The following FOXK1 variants were observed in gnomAD, a reference collection of about 807,000 sequenced individuals.
FOXK1 encodes forkhead box K1.
In FOXK1, 19 loss-of-function variants were observed where a neutral mutation model predicts 51.9. The ratio of observed to expected loss-of-function variants is 0.37; its 90% CI spans 0.26 to 0.54. FOXK1 has a LOEUF of 0.54. Among genes scored for constraint, FOXK1 ranks in the 20% least tolerant of loss-of-function variants. The pLI is 0.87. For synonymous variants in FOXK1, 537 were observed against 482.6 expected (o/e 1.11, Z -1.48); for missense variants, 870 against 1,032.7 (o/e 0.84, Z 2.16).
intron 1 of FOXK1, among the ~76,000 whole-genome samples, chr7:4,698,727 G>T (rs898876542): frequency 1.3e-5 from 2 of 152,042 alleles, no homozygotes; most frequent in Non-Finnish European, 2.9e-5. Flanking sequence ...TAATTTTTTT[G>T]TGTGTTTCTA....
intron 7 of FOXK1, among the ~76,000 whole-genome samples, chr7:4,760,549 G>T (rs1374340834): frequency 6.6e-6 from 1 of 152,166 alleles, no homozygotes; most frequent in Non-Finnish European, 1.5e-5. Flanking sequence ...TAAAGCTAAG[G>T]TATTTAAAAT....
At chr7:4,759,001 G>A in intron 5 of FOXK1, 50 bp from the exon 6 acceptor site, 1 of 1,521,182 alleles carries the variant, frequency 6.6e-7, no homozygotes, top group Non-Finnish European at 8.8e-7. Context: ...AAACGTCCTC[G>A]CATCCCTCAG....
Position 4,690,424 on chromosome 7 carries a change from T to G in FOXK1, c.560+7556T>G, listed in dbSNP as rs569006097. 9.2e-5 allele frequency among the ~76,000 whole-genome samples: 14 copies of G among 152,386 alleles called. No homozygotes were observed. The South Asian group carries it at 2.9e-3, about 32-fold the overall frequency. Reference sequence around the variant, plus strand: ...GTGTATCACATATATTTGTTCCAAGTTAGACTGTCAACTGGTTAAAGTTAC... The same window carrying G: ...GTGTATCACATATATTTGTTCCAAGGTAGACTGTCAACTGGTTAAAGTTAC... On this transcript the variant is annotated intron_variant, in intron 1 of 8. Transcript: ENST00000328914.
Position 4,751,624 on chromosome 7 carries a change from C to T in FOXK1, c.747-2835C>T, listed in dbSNP as rs139997014. Among the ~76,000 whole-genome samples, 1,474 of 152,316 alleles carry T rather than the reference C, an allele frequency of 9.7e-3. 11 individuals carry two copies. Among genetic ancestry groups the T allele is most frequent in the Non-Finnish European group, 0.017 (1,129 of 68,028 alleles). ...AGGAGCCTGGTACCAGGCACAGCCC[C>T]GTGGCCGAGGCCCGCCTGCGGAGGA... On this transcript the variant is annotated intron_variant, in intron 2 of 8. Transcript: ENST00000328914.
At chr7:4,717,815 C>T (rs534428838) in intron 1 of FOXK1, among the ~76,000 whole-genome samples, 1 of 152,326 alleles carries the variant, frequency 6.6e-6, no homozygotes, top group African/African-American at 2.4e-5. Flanking sequence ...TACAAACACA[C>T]TAGTCCATGC....
At chr7:4,757,491 A>T (rs1354525199) in intron 5 of FOXK1, among the ~76,000 whole-genome samples, 1 of 151,694 alleles carries the variant, frequency 6.6e-6, no homozygotes. Context: ...TTAGTCGGGC[A>T]TGGTGGCAGG....
chr7:4,740,409 G>A (rs563123822), intron 1 of FOXK1, among the ~76,000 whole-genome samples: 10 of 144,880 alleles, frequency 6.9e-5, no homozygotes, highest in Non-Finnish European at 1.2e-4. Flanking sequence ...CAGCCTGGGC[G>A]ACAGAGTGAG....
Position 4,768,225 on chromosome 7 carries a change from C to T in FOXK1, c.*5761C>T, listed in dbSNP as rs1056444417. On this transcript the variant is annotated 3_prime_UTR_variant, in exon 9 of 9. Transcript: ENST00000328914. The stretch of plus-strand genomic sequence containing the variant: ...TCGGCTCACTGCAAGCTCCGCCTCC[C>T]GGGTTCACGCCATTCTCCTGCCTCA... The T allele has an allele frequency of 5.1e-5, 7 of 136,868 alleles. No homozygotes were observed. Among genetic ancestry groups the T allele is most frequent in the Admixed American group, 4.1e-4 (6 of 14,482 alleles). 8.5% of individuals were successfully genotyped at this position (136,868 alleles called of 1,614,324 possible).
rs1350665202 is a variant in FOXK1 at position 4,761,374 on chromosome 7, A to G, written c.1921+86A>G. 7.8e-7 allele frequency: 1 copy of G among 1,284,168 alleles called. No individual in the cohort carries two copies. Among genetic ancestry groups the G allele is most frequent in the Non-Finnish European group, 1.1e-6 (1 of 921,524 alleles). The allele number at this position is 1,284,168 out of a possible 1,614,324, so 79.5% of individuals were successfully genotyped here. On this transcript the variant is annotated intron_variant, in intron 8 of 8. Transcript: ENST00000328914. The surrounding 1 kb of genome is among the most constrained non-coding windows in gnomAD (Gnocchi z 6.2). ...TGCGGCATGAGAATGTTCTCCCAGT[A>G]TCTCCCGATCCTCCACTCAGTTCAA...
At chr7:4,754,802 C>A in intron 3 of FOXK1, 187 bp downstream of exon 3, 1 of 742,004 alleles carries the variant, frequency 1.3e-6, no homozygotes, top group Non-Finnish European at 2.1e-6. Flanking sequence ...CCCAAATCAT[C>A]CCCGTTGGTC....
chr7:4,726,238 T>C (rs1780379905), intron 1 of FOXK1, among the ~76,000 whole-genome samples: 1 of 152,184 alleles, frequency 6.6e-6, no homozygotes, highest in South Asian at 2.1e-4. Flanking sequence ...GGCCTACGAA[T>C]GCTTTTACTT....
rs1780388265 is a variant in FOXK1, at chr7:4,726,925, A to G, written c.561-13913A>G. Among the ~76,000 whole-genome samples, 3 of 152,190 alleles carry G rather than the reference A, an allele frequency of 2.0e-5. No homozygotes were observed. In the South Asian group the frequency reaches 6.2e-4, roughly 31 times the overall value. On this transcript the variant is annotated intron_variant, in intron 1 of 8. Coordinates refer to ENST00000328914, the MANE Select transcript of FOXK1 (RefSeq NM_001037165.2). ...CCTGGTATATATAATAATAGCAGAT[A>G]TTAGTTGTCAACTACTAATTTTAAT...
rs1160714007 is a variant in FOXK1 at position 4,707,514 on chromosome 7, C to T, written c.560+24646C>T. Among the ~76,000 whole-genome samples the T allele has an allele frequency of 1.3e-5, 2 of 152,128 alleles. No individual in the cohort carries two copies. The highest frequency in any genetic ancestry group is 2.9e-5 in the Non-Finnish European group (2 of 68,034). ...CTTGGTAGTGTTAAGATGTATTTAGCGACTCAAGTATCTGCAGCAGCGAGA... is the reference window on the plus strand; with the variant it reads ...CTTGGTAGTGTTAAGATGTATTTAGTGACTCAAGTATCTGCAGCAGCGAGA... On this transcript the variant is annotated intron_variant, in intron 1 of 8. Transcript: ENST00000328914. This position sits in a 1 kb window ranked among gnomAD's most constrained non-coding sequence, Gnocchi z 4.1.
intron 1 of FOXK1, among the ~76,000 whole-genome samples, chr7:4,740,216 G>C (rs796213521): frequency 1.1e-4 from 16 of 152,246 alleles, no homozygotes; most frequent in African/African-American, 3.9e-4. Flanking sequence ...GGATTACGAG[G>C]TCAGGAGATC....
Position 4,711,302 on chromosome 7 carries a change from T to C in FOXK1, c.560+28434T>C, listed in dbSNP as rs1780171031. Among the ~76,000 whole-genome samples, 1 of 152,136 alleles carries C rather than the reference T, an allele frequency of 6.6e-6. No homozygotes were observed. Among genetic ancestry groups the C allele is most frequent in the African/African-American group, 2.4e-5 (1 of 41,426 alleles). On this transcript the variant is annotated intron_variant, in intron 1 of 8. Coordinates refer to ENST00000328914, the MANE Select transcript of FOXK1 (RefSeq NM_001037165.2). The surrounding 1 kb of genome is among the most constrained non-coding windows in gnomAD (Gnocchi z 6.3). ...TGTCCTGGGAAGCGTCCATGGGATG[T>C]ATCAGTCAGGGAGGCTGGGCGCAGT...
chr7:4,737,493 C>G (rs544110606), intron 1 of FOXK1, among the ~76,000 whole-genome samples: 1 of 149,634 alleles, frequency 6.7e-6, no homozygotes, highest in Non-Finnish European at 1.5e-5. Flanking sequence ...TGGGCGTGTG[C>G]GTGGGTGTGT....
At chr7:4,746,560 T>C (rs1054711753) in intron 2 of FOXK1, among the ~76,000 whole-genome samples, 2 of 151,808 alleles carry the variant, frequency 1.3e-5, no homozygotes, top group African/African-American at 4.8e-5. Flanking sequence ...CAGTGGCTCA[T>C]GTCTTTAGAC....
intron 1 of FOXK1, among the ~76,000 whole-genome samples, chr7:4,716,944 GTGGGAGGCGCATGGC>G (rs1006190718): frequency 6.6e-5 from 10 of 152,186 alleles, no homozygotes; most frequent in Admixed American, 3.3e-4. Flanking sequence ...GTTGTACGTG[GTGGGAGGCGCATGGC>G]TGGGAGGCGT....
At chr7:4,725,495 C>A (rs1413526292) in intron 1 of FOXK1, among the ~76,000 whole-genome samples, 1 of 152,248 alleles carries the variant, frequency 6.6e-6, no homozygotes, top group Non-Finnish European at 1.5e-5. Flanking sequence ...AGGCCCGGGG[C>A]CAGATGTCCG....
Sources: gnomAD v4.1 joint callset for allele counts (sites outside exome capture counted in the v4.1 genomes callset) on GRCh38, gnomAD v4.1.1 for gene constraint, Gnocchi (gnomAD v3.1) non-coding constraint, MANE v1.5 for transcripts, NCBI Gene and HGNC (gene_info 2026-07-23, HGNC 2026-07-21) for gene names.